Variants in NAALADL2 observed in about 807,000 individuals in gnomAD.
The protein encoded by NAALADL2 is N-acetylated alpha-linked acidic dipeptidase like 2.
In NAALADL2, 76 loss-of-function variants were observed where a neutral mutation model predicts 87.2. The ratio of observed to expected loss-of-function variants is 0.87; its 90% CI spans 0.72 to 1.05. The LOEUF is 1.05. Ranked by LOEUF, NAALADL2 falls within the 50% of genes least tolerant of loss-of-function variation. The pLI is 0.00. For missense variants in NAALADL2, 1,089 were observed against 945.8 expected (o/e 1.15, Z -1.99); for synonymous variants, 354 against 331.0 (o/e 1.07, Z -0.75).
chr3:174,935,101 T>A (rs368451713), intron 1 of NAALADL2, among the ~76,000 whole-genome samples: 7 of 152,142 alleles, frequency 4.6e-5, no homozygotes, highest in African/African-American at 1.7e-4. Context: ...GACTCACAAA[T>A]TCAAAGAACA....
intron 5 of NAALADL2, among the ~76,000 whole-genome samples, chr3:175,385,431 G>T (rs939328611): frequency 1.3e-5 from 2 of 151,812 alleles, no homozygotes; most frequent in Admixed American, 6.6e-5. Flanking sequence ...ATGTGCTGTC[G>T]GCAAGTGAAA....
chr3:175,494,252 T>C (rs559617430), intron 9 of NAALADL2, among the ~76,000 whole-genome samples: 1 of 152,136 alleles, frequency 6.6e-6, no homozygotes, highest in Non-Finnish European at 1.5e-5. Flanking sequence ...TTCTATAATT[T>C]GTGATGTCTA....
chr3:174,593,132 T>C (rs535948943), intron 2 of NAALADL2, among the ~76,000 whole-genome samples: 1 of 152,172 alleles, frequency 6.6e-6, no homozygotes, highest in Admixed American at 6.5e-5. Flanking sequence ...CTTTACATCT[T>C]GGATGGTAGC....
At chr3:175,765,959 T>C (rs1748635292) in intron 13 of NAALADL2, among the ~76,000 whole-genome samples, 1 of 152,140 alleles carries the variant, frequency 6.6e-6, no homozygotes, top group Admixed American at 6.5e-5. Context: ...ACCACCACTC[T>C]TTCTACTAGA....
intron 8 of NAALADL2, 63 bp from the exon 9 acceptor site, chr3:175,471,572 TCTAA>T (rs1204353794): frequency 1.0e-5 from 9 of 873,376 alleles, no homozygotes; most frequent in Non-Finnish European, 1.6e-5. Flanking sequence ...TTATTCAACA[TCTAA>T]CTAATAAAGT....
chr3:175,250,253 CTGTGTGTG>C lies in NAALADL2; in HGVS notation c.820-6129_820-6122del, dbSNP rs147841608. Reference sequence around the variant, plus strand: ...GCTCTCTCTTTTTCTCTCACTTTTTCTGTGTGTGTGTGTGTGTGTGTGTGTGTGTGTGT... The same window carrying C: ...GCTCTCTCTTTTTCTCTCACTTTTTCTGTGTGTGTGTGTGTGTGTGTGTGT... On this transcript the variant is annotated intron_variant, in intron 3 of 13. Coordinates refer to ENST00000454872, the MANE Select transcript of NAALADL2 (RefSeq NM_207015.3). Among the ~76,000 whole-genome samples the C allele has an allele frequency of 1.0e-3, 151 of 146,146 alleles. 1 individual carries two copies. Among genetic ancestry groups the C allele is most frequent in the Middle Eastern group, 3.5e-3 (1 of 286 alleles).
chr3:175,361,980 C>T lies in NAALADL2; in HGVS notation c.1090+37655C>T, dbSNP rs532212037. On this transcript the variant is annotated intron_variant, in intron 5 of 13. Coordinates refer to ENST00000454872, the MANE Select transcript of NAALADL2 (RefSeq NM_207015.3). ...TGAATGGTATTGCCTAGGTTTTCTT[C>T]TAGGGTTTTTATGGTTTTAGGTCTA... 1.4e-4 allele frequency among the ~76,000 whole-genome samples: 20 copies of T among 148,064 alleles called. 1 individual carries two copies. Among genetic ancestry groups the T allele is most frequent in the African/African-American group, 4.4e-4 (18 of 40,866 alleles).
At chr3:174,954,510 A>G (rs1740878587) in intron 1 of NAALADL2, among the ~76,000 whole-genome samples, 1 of 152,064 alleles carries the variant, frequency 6.6e-6, no homozygotes, top group Admixed American at 6.6e-5. Flanking sequence ...ATAGTTGAGG[A>G]GGTAGAGCCA....
intron 1 of NAALADL2, among the ~76,000 whole-genome samples, chr3:174,486,996 C>T (rs142506049): frequency 9.4e-4 from 143 of 151,932 alleles, no homozygotes; most frequent in Non-Finnish European, 1.9e-3. Context: ...CTATCAGAGG[C>T]CTTTTTTGGT....
At chr3:175,074,559 CA>C (rs200642221) in intron 1 of NAALADL2, among the ~76,000 whole-genome samples, 6 of 150,210 alleles carry the variant, frequency 4.0e-5, no homozygotes, top group African/African-American at 4.9e-5. Flanking sequence ...ATTATTTATT[CA>C]AAAAAAAATT....
At chr3:174,690,286 G>A (rs1411450507) in intron 2 of NAALADL2, among the ~76,000 whole-genome samples, 1 of 152,098 alleles carries the variant, frequency 6.6e-6, no homozygotes. Context: ...TCCAATGTAT[G>A]ATTTTTAGAT....
At chr3:174,799,781 G>A (rs1207364858) in intron 3 of NAALADL2, among the ~76,000 whole-genome samples, 1 of 152,130 alleles carries the variant, frequency 6.6e-6, no homozygotes, top group Admixed American at 6.6e-5. Context: ...GGAAAGTTTG[G>A]AACTTCCTAG....
chr3:174,885,377 T>C (rs1205170545), intron 1 of NAALADL2, among the ~76,000 whole-genome samples: 1 of 151,980 alleles, frequency 6.6e-6, no homozygotes, highest in Non-Finnish European at 1.5e-5. Context: ...AATCGCTGAG[T>C]TCATCATTTT....
chr3:175,173,483 C>T (rs1735193192), intron 2 of NAALADL2, among the ~76,000 whole-genome samples: 1 of 152,062 alleles, frequency 6.6e-6, no homozygotes, highest in Non-Finnish European at 1.5e-5. Context: ...ACCTGAGTGA[C>T]AGTGTGAGAC....
chr3:175,096,791 TAAA>T lies in NAALADL2; in HGVS notation c.48_50del (p.Lys17del), dbSNP rs1253378878. ...AATATATTTTTCTTATTTTCACAGGTAAAAAGATGGCCTATCAGAAGGTCCATG... is the reference window on the plus strand; with the variant it reads ...AATATATTTTTCTTATTTTCACAGGTAAGATGGCCTATCAGAAGGTCCATG... On this transcript the variant is annotated inframe_deletion and splice_region_variant, in exon 2 of 14. Transcript: ENST00000454872. 1.3e-6 allele frequency: 2 copies of T among 1,482,274 alleles called. No individual in the cohort carries two copies. Among genetic ancestry groups the T allele is most frequent in the South Asian group, 2.8e-5 (2 of 70,502 alleles). 91.8% of individuals were successfully genotyped at this position (1,482,274 alleles called of 1,614,324 possible). A position where few individuals can be genotyped will look rare whatever the true frequency, so the allele number is the denominator to read the frequency against.
intron 4 of NAALADL2, among the ~76,000 whole-genome samples, chr3:175,313,254 AT>A (rs1553856807): frequency 6.6e-6 from 1 of 152,184 alleles, no homozygotes; most frequent in Non-Finnish European, 1.5e-5. Flanking sequence ...ATTCTGAAGT[AT>A]ACTAGATGTC....
At chr3:175,242,740 T>C (rs963563046) in intron 3 of NAALADL2, among the ~76,000 whole-genome samples, 1 of 152,226 alleles carries the variant, frequency 6.6e-6, no homozygotes, top group Non-Finnish European at 1.5e-5. Context: ...GAGTACCTTT[T>C]ATACATTAAT....
chr3:175,074,320 G>C (rs1183070602), intron 1 of NAALADL2, among the ~76,000 whole-genome samples: 7 of 151,976 alleles, frequency 4.6e-5, no homozygotes, highest in African/African-American at 1.7e-4. Flanking sequence ...TATATTTGGT[G>C]ATATGTAAGT....
chr3:174,644,319 T>G (rs2108739947), intron 2 of NAALADL2, among the ~76,000 whole-genome samples: 1 of 152,304 alleles, frequency 6.6e-6, no homozygotes, highest in Non-Finnish European at 1.5e-5. Context: ...TACCATATTC[T>G]TACAATAAAG....
Sources: allele counts gnomAD v4.1 joint callset (sites outside exome capture counted in the v4.1 genomes callset), GRCh38; gene constraint gnomAD v4.1.1; transcripts MANE v1.5; gene names NCBI Gene and HGNC (gene_info 2026-07-23, HGNC 2026-07-21).